NEDD4L: variants seen among roughly 807,000 people sequenced by gnomAD.
NEDD4L encodes the protein NEDD4 like E3 ubiquitin protein ligase, also known as E3 ubiquitin-protein ligase NEDD4-like.
A neutral mutation model predicts 148.9 loss-of-function variants in NEDD4L; 54 were observed. The observed-to-expected ratio is 0.36, with a 90% CI of 0.29 to 0.45. NEDD4L has a LOEUF of 0.45. NEDD4L is among the 20% of genes least tolerant of loss of function. The pLI is 1.00. For missense variants in NEDD4L, 856 were observed against 1,233.8 expected (o/e 0.69, Z 4.59); for synonymous variants, 433 against 440.7 (o/e 0.98, Z 0.22).
At chr18:58,378,042 G>T (rs1461104673) in intron 24 of NEDD4L, among the ~76,000 whole-genome samples, 1 of 152,176 alleles carries the variant, frequency 6.6e-6, no homozygotes, top group Non-Finnish European at 1.5e-5. Context: ...ACCGTGCTTG[G>T]CCTGATTTGA....
At chr18:58,289,399 G>C (rs1010615303) in intron 5 of NEDD4L, among the ~76,000 whole-genome samples, 3 of 152,306 alleles carry the variant, frequency 2.0e-5, no homozygotes, top group Middle Eastern at 3.4e-3. Flanking sequence ...ATGAGACATG[G>C]CATGTCTGAT....
intron 1 of NEDD4L, among the ~76,000 whole-genome samples, chr18:58,124,008 T>C (rs2030535014): frequency 6.6e-6 from 1 of 152,202 alleles, no homozygotes; most frequent in Admixed American, 6.5e-5. Flanking sequence ...TCTTTAAAAA[T>C]GTCCTTACCA....
intron 4 of NEDD4L, among the ~76,000 whole-genome samples, chr18:58,251,461 C>A (rs2047927321): frequency 6.6e-6 from 1 of 152,072 alleles, no homozygotes; most frequent in Non-Finnish European, 1.5e-5. Flanking sequence ...CTGCAGTGAG[C>A]CATGATCATG....
At chr18:58,220,989 A>C (rs1296424455) in intron 2 of NEDD4L, among the ~76,000 whole-genome samples, 1 of 152,192 alleles carries the variant, frequency 6.6e-6, no homozygotes, top group Admixed American at 6.5e-5. Flanking sequence ...ACTGGGATGC[A>C]CAGTACAGAC....
chr18:58,257,159 G>A (rs2048704384), intron 5 of NEDD4L, among the ~76,000 whole-genome samples: 1 of 152,138 alleles, frequency 6.6e-6, no homozygotes, highest in African/African-American at 2.4e-5. Flanking sequence ...CTGCTTGCAA[G>A]TATAGCCTGT....
chr18:58,332,159 AT>A (rs2041073474), intron 11 of NEDD4L, among the ~76,000 whole-genome samples: 1 of 152,178 alleles, frequency 6.6e-6, no homozygotes, highest in Non-Finnish European at 1.5e-5. Context: ...AAACACTGTA[AT>A]TTTTTTCAGC....
chr18:58,261,732 C>T (rs535840687), intron 5 of NEDD4L, among the ~76,000 whole-genome samples: 8 of 152,170 alleles, frequency 5.3e-5, no homozygotes, highest in South Asian at 2.1e-4. Context: ...ATAGTTGAGG[C>T]GAATCTAAAT....
intron 1 of NEDD4L, among the ~76,000 whole-genome samples, chr18:58,108,020 G>A (rs1286489919): frequency 2.0e-5 from 3 of 152,066 alleles, no homozygotes; most frequent in African/African-American, 7.2e-5. Flanking sequence ...GCACCCAGCT[G>A]GAAAGGACTT....
chr18:58,383,264 A>G lies in NEDD4L; in HGVS notation c.2371A>G (p.Lys791Glu). 1 of 1,538,570 alleles carries G rather than the reference A, an allele frequency of 6.5e-7. No individual in the cohort carries two copies. The highest frequency in any genetic ancestry group is 8.8e-7 in the Non-Finnish European group (1 of 1,134,102). Residue 791 changes from lysine (K) to glutamate (E), a missense_variant, in exon 25 of 31, where the codon AAG becomes GAG. Physicochemically the swap from Lys to Glu is moderately conservative, Grantham distance 56 (BLOSUM62 1). Transcript: ENST00000400345. ...NFGQTYQVDL[K>E]PNGSEIMVTN... is the part of the protein sequence containing the mutation. ...ATTACAGACATATCAAGTGGATTTG[A>G]AGCCCAATGGGTCAGAAATAATGGT...
chr18:58,243,924 A>G (rs2046938830), intron 2 of NEDD4L, among the ~76,000 whole-genome samples: 1 of 152,232 alleles, frequency 6.6e-6, no homozygotes, highest in South Asian at 2.1e-4. Flanking sequence ...TGTAGCTTCC[A>G]TTCAGATACA....
intron 2 of NEDD4L, among the ~76,000 whole-genome samples, chr18:58,194,604 G>A (rs1599572514): frequency 6.6e-6 from 1 of 152,168 alleles, no homozygotes; most frequent in Admixed American, 6.5e-5. Context: ...TGTTGTCCCT[G>A]GCAGGGTTTG....
At chr18:58,203,741 A>T (rs1030240675) in intron 2 of NEDD4L, among the ~76,000 whole-genome samples, 1 of 150,556 alleles carries the variant, frequency 6.6e-6, no homozygotes, top group Non-Finnish European at 1.5e-5. Context: ...GAAATTCTCC[A>T]TTTGGTAGTT....
At chr18:58,270,280 A>C (rs1196088435) in intron 5 of NEDD4L, among the ~76,000 whole-genome samples, 4 of 152,220 alleles carry the variant, frequency 2.6e-5, no homozygotes, top group Non-Finnish European at 4.4e-5. Context: ...GTAAAGAGGA[A>C]AAAGACTGAA....
chr18:58,359,538 A>G (rs1393982106), intron 19 of NEDD4L, among the ~76,000 whole-genome samples: 2 of 152,204 alleles, frequency 1.3e-5, no homozygotes, highest in Non-Finnish European at 2.9e-5. Context: ...AATAGTCATT[A>G]ATATGTTTTA....
rs1051819157 is a variant in NEDD4L at position 58,083,408 on chromosome 18, C to T, written c.48+38700C>T. 5.1e-4 allele frequency among the ~76,000 whole-genome samples: 77 copies of T among 152,254 alleles called. 1 individual carries two copies. The highest frequency in any genetic ancestry group is 1.4e-3 in the Admixed American group (21 of 15,298). ...TCAAAAAACAGAAACAAACCAGGGG[C>T]CGGGTGCGGTGGCTCACGCCTGTAA... On this transcript the variant is annotated intron_variant, in intron 1 of 30. Transcript: ENST00000400345.
intron 2 of NEDD4L, among the ~76,000 whole-genome samples, chr18:58,181,929 T>C (rs560399279): frequency 2.0e-5 from 3 of 152,344 alleles, no homozygotes; most frequent in African/African-American, 7.2e-5. Context: ...GAGAGGTCTT[T>C]AACACATTTT....
intron 19 of NEDD4L, 119 bp downstream of exon 19, chr18:58,357,371 G>C: frequency 1.1e-6 from 1 of 928,740 alleles, no homozygotes; most frequent in South Asian, 1.3e-5. Flanking sequence ...TAGTTGACTA[G>C]AAACAGAGCA....
intron 27 of NEDD4L, chr18:58,387,806 G>T (rs1004031714): frequency 5.8e-5 from 13 of 224,712 alleles, no homozygotes; most frequent in Non-Finnish European, 7.7e-5. Context: ...CTGGGATCAT[G>T]GCCCTATGCA....
intron 1 of NEDD4L, among the ~76,000 whole-genome samples, chr18:58,069,953 C>G (rs1267672494): frequency 2.0e-5 from 3 of 151,922 alleles, no homozygotes; most frequent in Admixed American, 2.0e-4. Flanking sequence ...GCCTCACAGC[C>G]ATGGCAGCTG....
Sources: allele counts gnomAD v4.1 joint callset (sites outside exome capture counted in the v4.1 genomes callset), GRCh38; gene constraint gnomAD v4.1.1; transcripts MANE v1.5; gene names NCBI Gene and HGNC (gene_info 2026-07-23, HGNC 2026-07-21).